The following FRYL variants were observed in gnomAD, a reference collection of about 807,000 sequenced individuals.
FRYL encodes protein furry homolog-like.
FRYL carries 150 observed loss-of-function variants against 351.2 expected under a neutral mutation model. The observed-to-expected ratio is 0.43, with a 90% CI of 0.37 to 0.49. The LOEUF (loss-of-function observed/expected upper bound fraction) is 0.49, where lower values mean the gene tolerates loss of function less well. FRYL is among the 20% of genes least tolerant of loss of function. The probability of loss-of-function intolerance (pLI) is 0.00; values close to 1 mark genes in which losing one functional copy is unlikely to be tolerated. For synonymous variants in FRYL, 1,153 were observed against 1,257.1 expected (o/e 0.92, Z 1.75); for missense variants, 3,036 against 3,619.3 (o/e 0.84, Z 4.13).
intron 7 of FRYL, among the ~76,000 whole-genome samples, chr4:48,613,164 A>G (rs1331668176): frequency 6.6e-6 from 1 of 152,230 alleles, no homozygotes; most frequent in Non-Finnish European, 1.5e-5. Context: ...CATAGCTTGA[A>G]GGTAATTTTA....
At position 48,632,112 on chromosome 4, in the gene FRYL, A is replaced by G. The variant is rs1336859948; in HGVS notation, c.120+2179T>C. Among the ~76,000 whole-genome samples, 76 of 46,108 alleles carry G rather than the reference A, an allele frequency of 1.6e-3. 2 individuals are homozygous for G. The highest frequency in any genetic ancestry group is 3.1e-3 in the South Asian group (4 of 1,270). The allele number at this position is 46,108 out of a possible 152,430, so 30.2% of individuals were successfully genotyped here. A position where few individuals can be genotyped will look rare whatever the true frequency, so the allele number is the denominator to read the frequency against. On this transcript the variant is annotated intron_variant, in intron 4 of 63. Transcript: ENST00000358350. ...AAAAAATATATATATATATATATAT[A>G]TATATATATATATATATGCGCACAC...
rs770319963 is a variant in FRYL at position 48,718,688 on chromosome 4, A to G, written c.-383-7990T>C. Among the ~76,000 whole-genome samples the G allele has an allele frequency of 4.8e-4, 73 of 151,590 alleles. 4 individuals are homozygous for G. Among genetic ancestry groups the G allele is most frequent in the Non-Finnish European group, 1.9e-4 (13 of 67,784 alleles). ...TGCTTAAACTGAAAAAGGTTGCCCA[A>G]TGTCAACCCTTCAAATTCAAGACTG... On this transcript the variant is annotated intron_variant, in intron 1 of 63. Transcript: ENST00000358350.
intron 7 of FRYL, among the ~76,000 whole-genome samples, chr4:48,611,061 T>G (rs1217978645): frequency 6.6e-6 from 1 of 151,640 alleles, no homozygotes; most frequent in Non-Finnish European, 1.5e-5. Context: ...TAACACATAT[T>G]CTAGTTCTAC....
At chr4:48,500,799 T>C (rs1312806891) in intron 62 of FRYL, among the ~76,000 whole-genome samples, 1 of 152,180 alleles carries the variant, frequency 6.6e-6, no homozygotes, top group East Asian at 1.9e-4. Context: ...ACTGTAACAA[T>C]GTGGGCTGGG....
In FRYL at chr4:48,528,009, G is replaced by C. The variant is rs779934552; in HGVS notation, c.7102C>G (p.Leu2368Val). The change falls in exon 52 of 64, where the codon CTC (leucine) becomes GTC (valine). Residue 2368 changes from leucine (L) to valine (V), a missense_variant. By Grantham distance (32) the Leu-to-Val change is conservative. Around this residue, in one of 7 missense-constraint regions of FRYL, gnomAD observed 1,987 missense variants for 2,311.7 expected, o/e 0.86. Coordinates refer to ENST00000358350, the MANE Select transcript of FRYL (RefSeq NM_015030.2). ...TREKLMNVLS[L>V]CGPESGLPKN... ...GGGAGGCCAGATTCTGGACCACAGA[G>C]AGAAAGCACATTCATTAGCTTTTCT... is the stretch of plus-strand genomic sequence containing the variant. The C allele has an allele frequency of 6.3e-7, 1 of 1,582,004 alleles. No homozygotes were observed. The highest frequency in any genetic ancestry group is 2.0e-5 in the Admixed American group (1 of 50,426).
At position 48,620,443 on chromosome 4, in the gene FRYL, C is replaced by G. The variant is rs571237174; in HGVS notation, c.314+196G>C. ...CAGTATGAGTACTGTAGGGCTACATCTAGTTTAACTGGTACCTTCTCTTGA... is the reference window on the plus strand; with the variant it reads ...CAGTATGAGTACTGTAGGGCTACATGTAGTTTAACTGGTACCTTCTCTTGA... On this transcript the variant is annotated intron_variant, in intron 6 of 63. Coordinates refer to ENST00000358350, the MANE Select transcript of FRYL (RefSeq NM_015030.2). Among the ~76,000 whole-genome samples the G allele has an allele frequency of 3.9e-5, 6 of 152,318 alleles. No individual in the cohort carries two copies. The South Asian group carries it at 1.0e-3, about 26-fold the overall frequency.
At chr4:48,542,376 C>G (rs1730385268) in intron 44 of FRYL, among the ~76,000 whole-genome samples, 1 of 152,114 alleles carries the variant, frequency 6.6e-6, no homozygotes, top group South Asian at 2.1e-4. Flanking sequence ...TCTTTCACAT[C>G]TAAACTGAAT....
At chr4:48,673,315 C>G (rs1177483094) in intron 3 of FRYL, among the ~76,000 whole-genome samples, 2 of 152,070 alleles carry the variant, frequency 1.3e-5, no homozygotes, top group Non-Finnish European at 2.9e-5. Context: ...AATATATCTT[C>G]AAATGAAAGC....
intron 1 of FRYL, among the ~76,000 whole-genome samples, chr4:48,731,019 G>T (rs1770662637): frequency 6.6e-6 from 1 of 151,990 alleles, no homozygotes. Context: ...AAGGGATGGA[G>T]GAAGATCTAC....
intron 4 of FRYL, among the ~76,000 whole-genome samples, chr4:48,624,281 C>G (rs1424364235): frequency 6.6e-6 from 1 of 151,992 alleles, no homozygotes; most frequent in Non-Finnish European, 1.5e-5. Flanking sequence ...ACTGAACAAA[C>G]AAATATTGAG....
intron 48 of FRYL, 47 bp downstream of exon 48, chr4:48,535,610 C>CACAG: frequency 8.5e-7 from 1 of 1,182,558 alleles, no homozygotes; most frequent in African/African-American, 1.6e-5. Flanking sequence ...CACACACACA[C>CACAG]ACACATATAT....
intron 1 of FRYL, among the ~76,000 whole-genome samples, chr4:48,776,308 G>A (rs892887017): frequency 2.0e-5 from 3 of 152,028 alleles, no homozygotes; most frequent in Non-Finnish European, 4.4e-5. Context: ...TTGAAATTAT[G>A]CATTTCTTTC....
Position 48,499,163 on chromosome 4 carries a change from C to T in FRYL, c.*259G>A, listed in dbSNP as rs1719008107. On this transcript the variant is annotated 3_prime_UTR_variant, in exon 64 of 64. Coordinates refer to ENST00000358350, the MANE Select transcript of FRYL (RefSeq NM_015030.2). ...TGTATTTGTAGGCATCACTTTTAGC[C>T]CTTTTCTTTTCACGTAGGTTAAGTA... 7.6e-6 allele frequency: 3 copies of T among 396,488 alleles called. No individual in the cohort carries two copies. Among genetic ancestry groups the T allele is most frequent in the Admixed American group, 8.3e-5 (2 of 24,198 alleles). 24.6% of individuals were successfully genotyped at this position (396,488 alleles called of 1,614,324 possible). A position where few individuals can be genotyped will look rare whatever the true frequency, so the allele number is the denominator to read the frequency against.
In FRYL at chr4:48,590,795, T is replaced by A. The variant is rs761544212; in HGVS notation, c.1371A>T (p.Ile457=). ...MNIGLRVFLV[I]ADSLQQKDGE... ...CATCTTTCTGCTGCAAACTGTCTGC[T>A]ATTACAAGGAAGACTCTGAGACCTA... is the stretch of plus-strand genomic sequence containing the variant. Residue 457 remains isoleucine (I), a synonymous_variant, in exon 17 of 64, where the codon ATA becomes ATT. Transcript: ENST00000358350. 2.0e-5 allele frequency: 33 copies of A among 1,613,634 alleles called. No individual in the cohort carries two copies. The Admixed American group carries it at 4.3e-4, about 21-fold the overall frequency.
At chr4:48,522,270 G>T (rs1560531905) in intron 54 of FRYL, among the ~76,000 whole-genome samples, 1 of 152,166 alleles carries the variant, frequency 6.6e-6, no homozygotes, top group African/African-American at 2.4e-5. Flanking sequence ...GATGGTGTGA[G>T]ACCCTGTGCC....
intron 1 of FRYL, among the ~76,000 whole-genome samples, chr4:48,751,793 G>A (rs1348292715): frequency 6.6e-6 from 1 of 151,820 alleles, no homozygotes; most frequent in East Asian, 1.9e-4. Flanking sequence ...ATTGCTGGTT[G>A]TATATCCACA....
chr4:48,501,867 T>A, intron 61 of FRYL, 134 bp from the exon 62 acceptor site: 1 of 614,430 alleles, frequency 1.6e-6, no homozygotes. Flanking sequence ...ATGAAGCTGA[T>A]GAAAGGCACG....
chr4:48,770,463 G>C (rs914521655), intron 1 of FRYL, among the ~76,000 whole-genome samples: 3 of 151,642 alleles, frequency 2.0e-5, no homozygotes, highest in Non-Finnish European at 2.9e-5. Context: ...TTGAGACAGA[G>C]TTTCGCTCTT....
chr4:48,570,711 A>G, intron 27 of FRYL, 116 bp downstream of exon 27: 1 of 691,076 alleles, frequency 1.4e-6, no homozygotes, highest in Non-Finnish European at 2.5e-6. Context: ...ACAGTGATAC[A>G]TACAGGTTTT....
Sources: allele counts gnomAD v4.1 joint callset (sites outside exome capture counted in the v4.1 genomes callset), GRCh38; gene constraint gnomAD v4.1.1; regional missense constraint gnomAD v4.1.1; transcripts MANE v1.5; gene names NCBI Gene and HGNC (gene_info 2026-07-23, HGNC 2026-07-21).